RAP1GAP2: variants seen among roughly 807,000 people sequenced by gnomAD.
RAP1GAP2 encodes RAP1 GTPase activating protein 2, also known as rap1 GTPase-activating protein 2.
Under a neutral mutation model 95.0 loss-of-function variants are expected in RAP1GAP2, and 27 were observed. That is an observed-to-expected ratio of 0.28 (90% CI 0.21 to 0.39). The LOEUF is 0.39. RAP1GAP2 is among the 10% of genes least tolerant of loss of function. The pLI, the probability that RAP1GAP2 is intolerant of heterozygous loss-of-function variation, is 1.00. For synonymous variants in RAP1GAP2, 373 were observed against 380.9 expected (o/e 0.98, Z 0.24); for missense variants, 771 against 970.0 (o/e 0.79, Z 2.72).
At chr17:2,770,872 C>G (rs961248325) in intron 2 of RAP1GAP2, among the ~76,000 whole-genome samples, 4 of 151,974 alleles carry the variant, frequency 2.6e-5, no homozygotes, top group Non-Finnish European at 5.9e-5. Context: ...GAAAACTCGT[C>G]TCTACTAAAA....
chr17:2,802,045 T>C (rs182464859), intron 2 of RAP1GAP2, among the ~76,000 whole-genome samples: 6 of 152,304 alleles, frequency 3.9e-5, no homozygotes, highest in South Asian at 4.1e-4. Flanking sequence ...GAAAAAAGCA[T>C]TGGCCTCTAG....
At chr17:2,860,615 TTTTTTTG>T (rs2072343443) in intron 2 of RAP1GAP2, among the ~76,000 whole-genome samples, 1 of 121,110 alleles carries the variant, frequency 8.3e-6, no homozygotes, top group Admixed American at 8.4e-5. Context: ...TTTTTTTTTT[TTTTTTTG>T]AGACAGCATC....
chr17:2,781,782 G>A lies in RAP1GAP2; in HGVS notation c.-14+4504G>A, dbSNP rs1399454490. On this transcript the variant is annotated intron_variant, in intron 1 of 24. Transcript: ENST00000540393. ...TGTGTGTGCACGTCTGTGTGTGCAC[G>A]TTTCTGTGTGTGCACGTCTGTGTGT... Among the ~76,000 whole-genome samples, 7 of 137,180 alleles carry A rather than the reference G, an allele frequency of 5.1e-5. No individual in the cohort carries two copies. In the East Asian group the frequency reaches 1.4e-3, roughly 26 times the overall value. The allele number at this position is 137,180 out of a possible 152,430, so 90.0% of individuals were successfully genotyped here. A position where few individuals can be genotyped will look rare whatever the true frequency, so the allele number is the denominator to read the frequency against.
chr17:2,761,213 C>G (rs1456755074), intron 1 of RAP1GAP2, among the ~76,000 whole-genome samples: 2 of 151,678 alleles, frequency 1.3e-5, no homozygotes, highest in African/African-American at 2.4e-5. Flanking sequence ...TCTCGGCCTC[C>G]CAAAGTGCTG....
In RAP1GAP2 at chr17:2,871,249, C is replaced by A. The variant is rs1173292857; in HGVS notation, c.81-34035C>A. The stretch of plus-strand genomic sequence containing the variant: ...GGGATTACAGGCATGAGCCACTGCG[C>A]CCAGCCAAGGGCTAAACATTTTAAT... On this transcript the variant is annotated intron_variant, in intron 2 of 24. Coordinates refer to ENST00000254695, the MANE Select transcript of RAP1GAP2 (RefSeq NM_015085.5). The surrounding 1 kb of genome is among the most constrained non-coding windows in gnomAD (Gnocchi z 5.0). Among the ~76,000 whole-genome samples, 1 of 152,220 alleles carries A rather than the reference C, an allele frequency of 6.6e-6. No individual in the cohort carries two copies. The highest frequency in any genetic ancestry group is 1.5e-5 in the Non-Finnish European group (1 of 68,048).
intron 3 of RAP1GAP2, among the ~76,000 whole-genome samples, chr17:2,942,999 C>T (rs944929577): frequency 1.3e-5 from 2 of 152,114 alleles, no homozygotes; most frequent in East Asian, 1.9e-4. Flanking sequence ...GAACTCCTGA[C>T]CTCAAGTGAT....
At chr17:2,829,582 T>C (rs9895492) in intron 2 of RAP1GAP2, among the ~76,000 whole-genome samples, 121,678 of 152,030 alleles carry the variant, frequency 0.8, 49,113 homozygotes, top group African/African-American at 0.88. Flanking sequence ...ACAGAACAGC[T>C]GCACAAGAGC....
At chr17:2,981,112 G>A (rs2151536932) in intron 9 of RAP1GAP2, 83 bp from the exon 10 acceptor site, 1 of 1,329,554 alleles carries the variant, frequency 7.5e-7, no homozygotes, top group East Asian at 2.4e-5. Flanking sequence ...GCCCTCCCAT[G>A]CCGCATTGTC....
At chr17:3,026,210 TCTC>T (rs1196841177) in intron 20 of RAP1GAP2, 89 bp downstream of exon 20, 21 of 1,305,114 alleles carry the variant, frequency 1.6e-5, no homozygotes, top group Non-Finnish European at 2.3e-5. Context: ...AGAGTGGCCA[TCTC>T]CTGCCTCTGG....
intron 2 of RAP1GAP2, among the ~76,000 whole-genome samples, chr17:2,830,573 G>T (rs1041218542): frequency 2.0e-5 from 3 of 151,890 alleles, no homozygotes; most frequent in African/African-American, 7.3e-5. Flanking sequence ...AATTAGCTGG[G>T]CGTGGTGGCG....
At chr17:2,869,199 A>G (rs957819945) in intron 2 of RAP1GAP2, among the ~76,000 whole-genome samples, 4 of 152,168 alleles carry the variant, frequency 2.6e-5, no homozygotes, top group Non-Finnish European at 5.9e-5. Flanking sequence ...AATATAGTCT[A>G]TAGTCTATCT....
chr17:2,895,362 A>T (rs113884479), intron 2 of RAP1GAP2, among the ~76,000 whole-genome samples: 10 of 152,122 alleles, frequency 6.6e-5, no homozygotes, highest in Admixed American at 6.5e-4. Flanking sequence ...TAAACGCCAC[A>T]GACCCTGGGG....
intron 2 of RAP1GAP2, among the ~76,000 whole-genome samples, chr17:2,822,627 G>GTTTT (rs66503004): frequency 1.6e-5 from 2 of 127,846 alleles, no homozygotes; most frequent in Non-Finnish European, 3.4e-5. Flanking sequence ...GTTTTTTTTT[G>GTTTT]TTTTTTTTTT....
chr17:2,807,995 G>A (rs918765450), intron 2 of RAP1GAP2, among the ~76,000 whole-genome samples: 17 of 152,196 alleles, frequency 1.1e-4, no homozygotes, highest in Admixed American at 3.3e-4. Flanking sequence ...TGTTTCCAGC[G>A]GGGAGGATCC....
At chr17:2,948,028 G>T (rs1393975820) in intron 3 of RAP1GAP2, among the ~76,000 whole-genome samples, 1 of 152,106 alleles carries the variant, frequency 6.6e-6, no homozygotes, top group African/African-American at 2.4e-5. Flanking sequence ...ATGTAGCCTT[G>T]TCCCCTCCGT....
In RAP1GAP2 at chr17:2,965,844, C is replaced by G. The variant is rs2044570703; in HGVS notation, c.596+201C>G. 6.9e-6 allele frequency: 4 copies of G among 577,726 alleles called. No homozygotes were observed. The highest frequency in any genetic ancestry group is 9.3e-6 in the Non-Finnish European group (3 of 323,550). 35.8% of individuals were successfully genotyped at this position (577,726 alleles called of 1,614,324 possible). A position where few individuals can be genotyped will look rare whatever the true frequency, so the allele number is the denominator to read the frequency against. On this transcript the variant is annotated intron_variant, in intron 8 of 24. Transcript: ENST00000254695. The surrounding 1 kb of genome is among the most constrained non-coding windows in gnomAD (Gnocchi z 4.7). ...GAGACCCACGCGCTCCACCAGTTAG[C>G]TGACAGTCAGAGGGGCATCCAGGTC...
intron 17 of RAP1GAP2, among the ~76,000 whole-genome samples, chr17:3,010,650 T>C (rs1315563544): frequency 6.6e-6 from 1 of 152,202 alleles, no homozygotes; most frequent in Non-Finnish European, 1.5e-5. Context: ...GCAGTTGATC[T>C]GTGCTTGACT....
chr17:2,940,777 C>T (rs1026263265), intron 3 of RAP1GAP2, among the ~76,000 whole-genome samples: 2 of 152,198 alleles, frequency 1.3e-5, no homozygotes, highest in Non-Finnish European at 2.9e-5. Context: ...TGAGGCTCTT[C>T]GTCTTTCCCC....
chr17:2,956,475 G>A lies in RAP1GAP2; in HGVS notation c.166-1284G>A, dbSNP rs1374606254. ...CTCCAGGCAGTTCTGGCCCATGGGT[G>A]CCTGCAGAGGTAGGAAGAGTGCTTG... On this transcript the variant is annotated intron_variant, in intron 3 of 24. Coordinates refer to ENST00000254695, the MANE Select transcript of RAP1GAP2 (RefSeq NM_015085.5). Among the ~76,000 whole-genome samples the A allele has an allele frequency of 2.0e-5, 3 of 152,230 alleles. 1 individual carries two copies. Among genetic ancestry groups the A allele is most frequent in the Admixed American group, 1.3e-4 (2 of 15,282 alleles).
Sources: gnomAD v4.1 joint callset for allele counts (sites outside exome capture counted in the v4.1 genomes callset) on GRCh38, gnomAD v4.1.1 for gene constraint, Gnocchi (gnomAD v3.1) non-coding constraint, MANE v1.5 for transcripts, NCBI Gene and HGNC (gene_info 2026-07-23, HGNC 2026-07-21) for gene names.